FRMD4B: variants seen among roughly 807,000 people sequenced by gnomAD.
FRMD4B encodes FERM domain-containing protein 4B.
Under a neutral mutation model 141.5 loss-of-function variants are expected in FRMD4B, and 74 were observed. The ratio of observed to expected loss-of-function variants is 0.52; its 90% CI spans 0.43 to 0.63. The LOEUF (loss-of-function observed/expected upper bound fraction) is 0.63, where lower values mean the gene tolerates loss of function less well. Ranked by LOEUF, FRMD4B falls within the 30% of genes least tolerant of loss-of-function variation. The pLI, the probability that FRMD4B is intolerant of heterozygous loss-of-function variation, is 0.00. For missense variants in FRMD4B, 1,366 were observed against 1,253.4 expected (o/e 1.09, Z -1.36); for synonymous variants, 506 against 467.9 (o/e 1.08, Z -1.05).
intron 1 of FRMD4B, among the ~76,000 whole-genome samples, chr3:69,354,495 C>T (rs115415602): frequency 0.022 from 3,395 of 152,206 alleles, 133 homozygotes; most frequent in African/African-American, 0.075. Context: ...TCTCTAGAGT[C>T]AGAGAAACCT....
intron 1 of FRMD4B, among the ~76,000 whole-genome samples, chr3:69,332,869 G>C (rs1477750930): frequency 6.8e-6 from 1 of 147,932 alleles, no homozygotes; most frequent in African/African-American, 2.5e-5. Flanking sequence ...ATTATCCACT[G>C]TGCCCAGCCA....
At chr3:69,295,382 C>A (rs9852227) in intron 4 of FRMD4B, among the ~76,000 whole-genome samples, 2,368 of 152,218 alleles carry the variant, frequency 0.016, 72 homozygotes, top group African/African-American at 0.054. Context: ...AGTGCAGTGG[C>A]CTGATCACCG....
intron 1 of FRMD4B, among the ~76,000 whole-genome samples, chr3:69,514,748 C>T (rs908437403): frequency 3.4e-4 from 52 of 151,380 alleles, no homozygotes; most frequent in African/African-American, 1.1e-3. Context: ...TCTGTGTTCA[C>T]GAATTGAAAA....
chr3:69,312,599 A>T (rs1173057541), intron 2 of FRMD4B, among the ~76,000 whole-genome samples: 1 of 152,226 alleles, frequency 6.6e-6, no homozygotes, highest in Admixed American at 6.5e-5. Flanking sequence ...AGCATCAACA[A>T]TAAAAATATC....
intron 1 of FRMD4B, among the ~76,000 whole-genome samples, chr3:69,509,741 A>G (rs78586067): frequency 0.029 from 4,357 of 152,038 alleles, 212 homozygotes; most frequent in African/African-American, 0.1. Flanking sequence ...TACAAACTGA[A>G]GGTTTATGGC....
At chr3:69,295,262 A>G (rs1457363809) in intron 4 of FRMD4B, among the ~76,000 whole-genome samples, 2 of 152,048 alleles carry the variant, frequency 1.3e-5, no homozygotes, top group African/African-American at 4.8e-5. Flanking sequence ...TCTGTTCTCA[A>G]TGTTTGGGTG....
rs1360224699 is a variant in FRMD4B at position 69,265,267 on chromosome 3, AAAATATATATATATATATATATAT to A, written c.502-15192_502-15169del. ...GAGACTCCATCTCAAAAAAAAAAAA[AAAATATATATATATATATATATAT>A]ATATATATATATATATATATATATG... On this transcript the variant is annotated intron_variant, in intron 5 of 22. Transcript: ENST00000398540. Among the ~76,000 whole-genome samples, 2 of 23,712 alleles carry A rather than the reference AAAATATATATATATATATATATAT, an allele frequency of 8.4e-5. 1 individual carries two copies. The highest frequency in any genetic ancestry group is 1.1e-3 in the Admixed American group (2 of 1,842). The allele number at this position is 23,712 out of a possible 152,430, so 15.6% of individuals were successfully genotyped here.
intron 1 of FRMD4B, among the ~76,000 whole-genome samples, chr3:69,488,213 G>A (rs1429366282): frequency 6.6e-6 from 1 of 152,170 alleles, no homozygotes; most frequent in African/African-American, 2.4e-5. Flanking sequence ...TTGCCTGAAG[G>A]CTCTTTCCAG....
Position 69,195,227 on chromosome 3 carries a change from T to C in FRMD4B, c.1368+4A>G, listed in dbSNP as rs374806293. ...ACTTGATGAGCCCCAAAAAGCAGAC[T>C]CACAGCCTCCCGCAGACAGATCTTC... On this transcript the variant is annotated splice_donor_region_variant and intron_variant, in intron 15 of 22. Transcript: ENST00000398540. 5.0e-6 allele frequency: 8 copies of C among 1,612,920 alleles called. No homozygotes were observed. Among genetic ancestry groups the C allele is most frequent in the Non-Finnish European group, 5.9e-6 (7 of 1,179,588 alleles).
intron 1 of FRMD4B, among the ~76,000 whole-genome samples, chr3:69,534,852 C>T (rs1273233298): frequency 6.6e-6 from 1 of 152,180 alleles, no homozygotes; most frequent in Non-Finnish European, 1.5e-5. Flanking sequence ...TAACATCCAT[C>T]TGAAAGGATT....
intron 3 of FRMD4B, among the ~76,000 whole-genome samples, chr3:69,309,547 G>A (rs1321985761): frequency 6.9e-6 from 1 of 145,846 alleles, no homozygotes; most frequent in East Asian, 2.0e-4. Flanking sequence ...GGCTCAAGTT[G>A]TCCTCCCACC....
At chr3:69,540,660 T>TATATATATACAC (rs1241897477) in intron 1 of FRMD4B, among the ~76,000 whole-genome samples, 5 of 56,874 alleles carry the variant, frequency 8.8e-5, no homozygotes, top group African/African-American at 5.2e-4. Context: ...TATATATATA[T>TATATATATACAC]ACACACACAC....
At chr3:69,297,625 G>A (rs776783630) in intron 4 of FRMD4B, among the ~76,000 whole-genome samples, 4 of 152,106 alleles carry the variant, frequency 2.6e-5, no homozygotes, top group Non-Finnish European at 5.9e-5. Flanking sequence ...GTGAGGTCAC[G>A]CCAAGGCCCT....
chr3:69,230,013 G>A (rs1055045504), intron 7 of FRMD4B, among the ~76,000 whole-genome samples: 10 of 149,944 alleles, frequency 6.7e-5, no homozygotes, highest in Non-Finnish European at 1.0e-4. Context: ...GTCTCGCTCT[G>A]TCACCCAGGC....
chr3:69,182,313 A>G (rs912628031), intron 20 of FRMD4B, among the ~76,000 whole-genome samples: 1 of 152,234 alleles, frequency 6.6e-6, no homozygotes, highest in Non-Finnish European at 1.5e-5. Context: ...CAAACATTTC[A>G]AAATGTTGCT....
intron 2 of FRMD4B, among the ~76,000 whole-genome samples, chr3:69,402,737 A>T (rs1704586484): frequency 6.6e-6 from 1 of 152,238 alleles, no homozygotes; most frequent in Non-Finnish European, 1.5e-5. Context: ...GATTATAGAC[A>T]GTATGACATG....
chr3:69,353,429 C>T (rs990203506), intron 1 of FRMD4B: 1 of 219,582 alleles, frequency 4.6e-6, no homozygotes, highest in Non-Finnish European at 7.7e-6. Flanking sequence ...ATTAGTCCAC[C>T]CCCAGTACAA....
intron 1 of FRMD4B, among the ~76,000 whole-genome samples, chr3:69,537,261 C>G (rs1448701154): frequency 6.6e-6 from 1 of 152,144 alleles, no homozygotes; most frequent in Non-Finnish European, 1.5e-5. Context: ...GCTGTACACA[C>G]TAGGCCCCCT....
At chr3:69,174,384 T>C (rs6776230) in intron 22 of FRMD4B, among the ~76,000 whole-genome samples, 147,887 of 152,298 alleles carry the variant, frequency 0.97, 71,925 homozygotes, top group Non-Finnish European at 1. Context: ...CAACATAAGA[T>C]GTAAAACTGT....
Sources: allele counts gnomAD v4.1 joint callset (sites outside exome capture counted in the v4.1 genomes callset), GRCh38; gene constraint gnomAD v4.1.1; transcripts MANE v1.5; gene names NCBI Gene and HGNC (gene_info 2026-07-23, HGNC 2026-07-21).